The following OR2T2 variants were observed in gnomAD, a reference collection of about 807,000 sequenced individuals.
OR2T2 encodes olfactory receptor family 2 subfamily T member 2.
For missense variants in OR2T2, 138 were observed against 409.1 expected (o/e 0.34, Z 5.72); for synonymous variants, 50 against 162.7 (o/e 0.31, Z 5.27).
chr1:248,449,822 CTTTTTCTTT>C (rs1217054445), intron 2 of OR2T2, among the ~76,000 whole-genome samples: 1 of 123,636 alleles, frequency 8.1e-6, no homozygotes, highest in African/African-American at 5.1e-5. Flanking sequence ...TTTTCTTTTT[CTTTTTCTTT>C]TTTTTTTTTT....
At chr1:248,450,371 C>T (rs1432846668) in intron 2 of OR2T2, among the ~76,000 whole-genome samples, 2 of 144,586 alleles carry the variant, frequency 1.4e-5, no homozygotes, top group Non-Finnish European at 3.0e-5. Flanking sequence ...AACACGGTCT[C>T]GGTTGTATAA....
intron 2 of OR2T2, among the ~76,000 whole-genome samples, 190 bp downstream of exon 3, chr1:248,449,582 A>C (rs1410295672): frequency 2.1e-5 from 3 of 143,970 alleles, no homozygotes; most frequent in African/African-American, 8.4e-5. Context: ...CATCAGCCCC[A>C]AGTGTGCAGA....
exon 3 of OR2T2, chr1:248,453,901 G>A (rs1452213440): frequency 4.6e-6 from 6 of 1,290,332 alleles, no homozygotes; most frequent in African/African-American, 3.6e-5. Flanking sequence ...GCGGTGCTGC[G>A]GCCAATAACG....
At chr1:248,447,254 A>G in intron 2 of OR2T2, among the ~76,000 whole-genome samples, 1 of 150,876 alleles carries the variant, frequency 6.6e-6, no homozygotes, top group Non-Finnish European at 1.5e-5. Context: ...TTGTGTAGGT[A>G]GAAGAAGAAA....
chr1:248,448,353 A>AT lies in OR2T2; in HGVS notation c.-23+1544dup, dbSNP rs1292722570. 1.2e-4 allele frequency among the ~76,000 whole-genome samples: 15 copies of AT among 130,424 alleles called. No homozygotes were observed. The East Asian group carries it at 3.3e-3, about 29-fold the overall frequency. 85.6% of individuals were successfully genotyped at this position (130,424 alleles called of 152,430 possible). A position where few individuals can be genotyped will look rare whatever the true frequency, so the allele number is the denominator to read the frequency against. ...TATATTGTCTTAGGTATTCTATTTT[A>AT]TTATTGTTAATCTCTTACTGTGCCT... On this transcript the variant is annotated intron_variant, in intron 2 of 2. Transcript: ENST00000642130.
exon 3 of OR2T2, chr1:248,453,059 T>C: frequency 6.2e-7 from 1 of 1,613,320 alleles, no homozygotes; most frequent in Non-Finnish European, 8.5e-7. Context: ...GGACCTCCTG[T>C]CCAAGGACAA....
exon 3 of OR2T2, chr1:248,453,106 C>G: frequency 6.2e-7 from 1 of 1,613,070 alleles, no homozygotes; most frequent in Non-Finnish European, 8.5e-7. Flanking sequence ...TTCAGATCTT[C>G]CTCTACCTGA....
chr1:248,450,704 TAGTA>T (rs1335545893), intron 2 of OR2T2, among the ~76,000 whole-genome samples: 13 of 152,152 alleles, frequency 8.5e-5, no homozygotes, highest in African/African-American at 2.9e-4. Context: ...CCTAACACTA[TAGTA>T]ATTAATGTAT....
intron 1 of OR2T2, among the ~76,000 whole-genome samples, 188 bp from the exon 2 acceptor site, chr1:248,446,401 T>A (rs1405997859): frequency 1.1e-4 from 16 of 144,728 alleles, no homozygotes; most frequent in Non-Finnish European, 2.4e-4. Context: ...GTTGCAGGTG[T>A]CTGCCCCTTG....
At chr1:248,449,349 G>A (rs1373366135) in intron 2 of OR2T2, 2 of 152,202 alleles carry the variant, frequency 1.3e-5, no homozygotes, top group Non-Finnish European at 2.9e-5. Context: ...CTTCTCCCTG[G>A]TAGAAGAACC....
exon 3 of OR2T2, chr1:248,454,898 G>GTTTATTC (rs1662900690): frequency 1.5e-5 from 1 of 66,582 alleles, no homozygotes. Context: ...ATTGTTAATA[G>GTTTATTC]ATAAATGTAG....
chr1:248,452,936 A>C, exon 3 of OR2T2: 1 of 1,614,236 alleles, frequency 6.2e-7, no homozygotes. Context: ...CTTGGTCATG[A>C]TTCTGCTCAT....
rs562757364 is a variant in OR2T2 at position 248,447,069 on chromosome 1, G to C, written c.-23+258G>C. ...CATTTAAATAAATAGGCAGATAAAG[G>C]GGGGTGGTAACTAAGGCAGTATGTA... is the stretch of plus-strand genomic sequence containing the variant. On this transcript the variant is annotated intron_variant, in intron 2 of 2. Transcript: ENST00000642130. Among the ~76,000 whole-genome samples the C allele has an allele frequency of 3.7e-4, 56 of 152,120 alleles. No individual in the cohort carries two copies. In the South Asian group the frequency reaches 0.011, roughly 30 times the overall value.
chr1:248,449,793 G>A (rs1380114808), intron 2 of OR2T2, among the ~76,000 whole-genome samples: 7 of 112,970 alleles, frequency 6.2e-5, no homozygotes, highest in African/African-American at 2.4e-4. Context: ...CTTTGATCAC[G>A]CAAATAAAAG....
intron 2 of OR2T2, among the ~76,000 whole-genome samples, chr1:248,450,637 A>AT (rs1309328830): frequency 1.3e-5 from 2 of 152,232 alleles, no homozygotes; most frequent in African/African-American, 2.4e-5. Flanking sequence ...CGTTTGTCTC[A>AT]TTCTTGCCTA....
chr1:248,450,533 G>T (rs1473139073), intron 2 of OR2T2, among the ~76,000 whole-genome samples: 3 of 151,476 alleles, frequency 2.0e-5, no homozygotes, highest in Non-Finnish European at 4.4e-5. Flanking sequence ...CCTCCTCTTT[G>T]AATACCTTGT....
chr1:248,447,603 G>A (rs1386205657), intron 2 of OR2T2, among the ~76,000 whole-genome samples: 1 of 150,844 alleles, frequency 6.6e-6, no homozygotes, highest in Non-Finnish European at 1.5e-5. Context: ...CATTGTCTCT[G>A]ATCATGTCCT....
At chr1:248,449,044 AAAC>A (rs1662730477) in intron 2 of OR2T2, 147 bp from the exon 3 acceptor site, 1 of 144,372 alleles carries the variant, frequency 6.9e-6, no homozygotes, top group Non-Finnish European at 1.5e-5. Flanking sequence ...TACATTAATC[AAAC>A]TTAACTATGT....
At chr1:248,454,107 A>T in exon 3 of OR2T2, 1 of 266,386 alleles carries the variant, frequency 3.8e-6, no homozygotes, top group Non-Finnish European at 6.4e-6. Flanking sequence ...TCAGTCAAGT[A>T]GCCCTACAAA....
Sources: allele counts gnomAD v4.1 joint callset (sites outside exome capture counted in the v4.1 genomes callset), GRCh38; gene constraint gnomAD v4.1.1; transcripts MANE v1.5; gene names NCBI Gene and HGNC (gene_info 2026-07-23, HGNC 2026-07-21).